TMPRSS6: variants seen among roughly 807,000 people sequenced by gnomAD.
TMPRSS6 encodes the protein transmembrane protease serine 6.
In TMPRSS6, 67 loss-of-function variants were observed where a neutral mutation model predicts 101.5. The observed-to-expected ratio is 0.66, with a 90% CI of 0.54 to 0.81. The LOEUF is 0.81. Among genes scored for constraint, TMPRSS6 ranks in the 30% least tolerant of loss-of-function variants. The pLI is 0.00. For missense variants in TMPRSS6, 1,034 were observed against 1,088.7 expected, an observed-to-expected ratio of 0.95 and a Z score of 0.71; for synonymous variants, 453 against 464.9, an observed-to-expected ratio of 0.97 and a Z score of 0.33.
intron 2 of TMPRSS6, among the ~76,000 whole-genome samples, chr22:37,099,250 T>C (rs997295634): frequency 6.6e-6 from 1 of 152,044 alleles, no homozygotes; most frequent in Non-Finnish European, 1.5e-5. Flanking sequence ...GGGAGCAGCA[T>C]GGGGCACGGG....
In TMPRSS6 at chr22:37,086,282, C is replaced by T. The variant is rs781648355; in HGVS notation, c.973+1G>A. The T allele has an allele frequency of 6.2e-7, 1 of 1,614,080 alleles. No homozygotes were observed. Among genetic ancestry groups the T allele is most frequent in the Non-Finnish European group, 8.5e-7 (1 of 1,179,992 alleles). ...TGCCCCAGGGACCCCTGACCTCTCA[C>T]CCTGGAAGACCACCGGCTGCACGGA... On this transcript the variant is annotated splice_donor_variant, in intron 8 of 17. Transcript: ENST00000676104. LOFTEE classifies it high-confidence loss of function.
chr22:37,089,550 C>CCAA, intron 7 of TMPRSS6, 28 bp downstream of exon 7: 2 of 1,383,822 alleles, frequency 1.4e-6, no homozygotes, highest in Non-Finnish European at 2.0e-6. Flanking sequence ...TCCAGCCCTC[C>CCAA]CTCCTGCCCT....
chr22:37,099,957 CTTTTTG>C (rs910925489), intron 2 of TMPRSS6, among the ~76,000 whole-genome samples: 31 of 149,888 alleles, frequency 2.1e-4, no homozygotes, highest in African/African-American at 7.5e-4. Context: ...TTTTTGTTTT[CTTTTTG>C]TTTTTGTTTT....
At position 37,069,115 on chromosome 22, in the gene TMPRSS6, G is replaced by A; in HGVS notation, c.2071C>T (p.Leu691=). The change falls in exon 16 of 18, where the codon CTG becomes TTG. Residue 691 remains leucine (L), a synonymous_variant. Coordinates refer to ENST00000676104, the MANE Select transcript of TMPRSS6 (RefSeq NM_001374504.1). This position sits in a 1 kb window ranked among gnomAD's most constrained non-coding sequence, Gnocchi z 4.8. ...CCCCAGCCCGTAATCCAGCAGTGCA[G>A]GCCGGGCTCGAAGAAGTGGGAGCGC... ...PARSHFFEPG[L]HCWITGWGAL... 6.4e-7 allele frequency: 1 copy of A among 1,560,326 alleles called. No individual in the cohort carries two copies. Among genetic ancestry groups the A allele is most frequent in the Non-Finnish European group, 8.7e-7 (1 of 1,155,766 alleles).
chr22:37,073,029 A>T (rs1927265998), intron 13 of TMPRSS6, among the ~76,000 whole-genome samples: 1 of 134,168 alleles, frequency 7.5e-6, no homozygotes, highest in Non-Finnish European at 1.6e-5. Flanking sequence ...TGGATGGATG[A>T]TGGACGGATG....
Position 37,103,450 on chromosome 22 carries a change from G to C in TMPRSS6, c.-1-32C>G. The C allele has an allele frequency of 6.2e-7, 1 of 1,614,238 alleles. No homozygotes were observed. ...GGGAAACAGACCAAAGTTGGAAACA[G>C]CCTCGCATTTGCAAGGGAGCCTCTG... On this transcript the variant is annotated intron_variant, in intron 1 of 17. Coordinates refer to ENST00000676104, the MANE Select transcript of TMPRSS6 (RefSeq NM_001374504.1). The surrounding 1 kb of genome is among the most constrained non-coding windows in gnomAD (Gnocchi z 4.4).
At chr22:37,098,617 C>T in intron 2 of TMPRSS6, 68 bp from the exon 3 acceptor site, 1 of 1,609,750 alleles carries the variant, frequency 6.2e-7, no homozygotes, top group Non-Finnish European at 8.5e-7. Flanking sequence ...CTCTTCCATG[C>T]CTTCTCCTGC....
chr22:37,099,405 T>C (rs1323326309), intron 2 of TMPRSS6, among the ~76,000 whole-genome samples: 1 of 152,154 alleles, frequency 6.6e-6, no homozygotes, highest in Non-Finnish European at 1.5e-5. Flanking sequence ...AGGGTAACCA[T>C]GAAAAGTTTA....
intron 12 of TMPRSS6, 114 bp downstream of exon 12, chr22:37,074,496 C>T (rs2076086): frequency 0.38 from 380,253 of 1,013,138 alleles, 74,361 homozygotes; most frequent in African/African-American, 0.58. Context: ...TTCCTGGGTG[C>T]TCATAATGGA....
intron 10 of TMPRSS6, among the ~76,000 whole-genome samples, chr22:37,078,707 AAG>A: frequency 1.1e-5 from 1 of 87,736 alleles, no homozygotes; most frequent in African/African-American, 5.6e-5. Context: ...GAGGAAGAGG[AAG>A]GAGGAGGCGG....
chr22:37,075,032 G>T, intron 11 of TMPRSS6, 103 bp downstream of exon 11: 1 of 1,572,152 alleles, frequency 6.4e-7, no homozygotes, highest in South Asian at 1.1e-5. Context: ...CTCTCCTTTT[G>T]TTCAGCCTCA....
rs755086229 is a variant in TMPRSS6, at chr22:37,066,229, C to T, written c.2260G>A (p.Gly754Ser). 1 of 1,611,054 alleles carries T rather than the reference C, an allele frequency of 6.2e-7. No individual in the cohort carries two copies. The highest frequency in any genetic ancestry group is 8.5e-7 in the Non-Finnish European group (1 of 1,178,752). ...AGTGCCTTGCACACCAGCGGACCAC[C>T]TGAGTCACCCTGAAAGGGGGAAAGG... ...GKKDACQGDS[G>S]GPLVCKALSG... The change falls in exon 18 of 18, where the codon GGT becomes AGT. Residue 754 changes from glycine (G) to serine (S), a missense_variant. Coordinates refer to ENST00000676104, the MANE Select transcript of TMPRSS6 (RefSeq NM_001374504.1).
intron 1 of TMPRSS6, among the ~76,000 whole-genome samples, chr22:37,107,607 G>A (rs1238915220): frequency 6.6e-6 from 1 of 151,742 alleles, no homozygotes; most frequent in Non-Finnish European, 1.5e-5. Flanking sequence ...ACTGCGTGTT[G>A]TCACCATGTG....
In TMPRSS6 at chr22:37,069,086, G is replaced by A. The variant is rs746948075; in HGVS notation, c.2100C>T (p.Ala700=). The change falls in exon 16 of 18, where the codon GCC becomes GCT. Residue 700 remains alanine (A), a synonymous_variant. Transcript: ENST00000676104. This position sits in a 1 kb window ranked among gnomAD's most constrained non-coding sequence, Gnocchi z 4.8. Reference sequence around the variant, plus strand: ...CCCGCTGCTCACCGCCCTCGCGCAAGGCGCCCCAGCCCGTAATCCAGCAGT... The same window carrying A: ...CCCGCTGCTCACCGCCCTCGCGCAAAGCGCCCCAGCCCGTAATCCAGCAGT... ...GLHCWITGWG[A]LREGGPISNA... 14 of 1,544,970 alleles carry A rather than the reference G, an allele frequency of 9.1e-6. No homozygotes were observed. In the East Asian group the frequency reaches 1.9e-4, roughly 21 times the overall value.
Position 37,069,417 on chromosome 22 carries a change from C to T in TMPRSS6, c.1842-73G>A, listed in dbSNP as rs534004041. 8.5e-6 allele frequency: 12 copies of T among 1,416,596 alleles called. No homozygotes were observed. The highest frequency in any genetic ancestry group is 1.1e-5 in the Non-Finnish European group (12 of 1,050,184). The allele number at this position is 1,416,596 out of a possible 1,614,324, so 87.8% of individuals were successfully genotyped here. A position where few individuals can be genotyped will look rare whatever the true frequency, so the allele number is the denominator to read the frequency against. On this transcript the variant is annotated intron_variant, in intron 15 of 17. Coordinates refer to ENST00000676104, the MANE Select transcript of TMPRSS6 (RefSeq NM_001374504.1). The surrounding 1 kb of genome is among the most constrained non-coding windows in gnomAD (Gnocchi z 4.8). ...GAAGCTGCCTCTCCCCATCCAGGGACCCTCAAGATAGCCAGATCCCCGCCC... is the reference window on the plus strand; with the variant it reads ...GAAGCTGCCTCTCCCCATCCAGGGATCCTCAAGATAGCCAGATCCCCGCCC...
chr22:37,089,898 G>T (rs548738290), intron 6 of TMPRSS6, 116 bp from the exon 7 acceptor site: 1 of 992,104 alleles, frequency 1.0e-6, no homozygotes, highest in Non-Finnish European at 1.5e-6. Context: ...CAGGGGAGCC[G>T]GGTGGGGATA....
At position 37,084,414 on chromosome 22, in the gene TMPRSS6, A is replaced by T. The variant is rs1569010702; in HGVS notation, c.1087-10T>A. ...AGTCCAGAGAGGGCACCTGGGAGGG[A>T]GGAGCGGGCCATCAGGTGGCCCATG... is the stretch of plus-strand genomic sequence containing the variant. On this transcript the variant is annotated splice_polypyrimidine_tract_variant and intron_variant, in intron 9 of 17. Transcript: ENST00000676104. 6.2e-7 allele frequency: 1 copy of T among 1,605,288 alleles called. No individual in the cohort carries two copies. Among genetic ancestry groups the T allele is most frequent in the South Asian group, 1.1e-5 (1 of 89,842 alleles).
chr22:37,089,543 A>G, intron 7 of TMPRSS6, 35 bp downstream of exon 7: 27 of 1,328,922 alleles, frequency 2.0e-5, no homozygotes, highest in East Asian at 4.9e-5. Context: ...TCCCTTTTCC[A>G]GCCCTCCCTC....
intron 15 of TMPRSS6, among the ~76,000 whole-genome samples, 159 bp downstream of exon 15, chr22:37,070,325 C>T (rs943645822): frequency 6.6e-6 from 1 of 152,174 alleles, no homozygotes; most frequent in African/African-American, 2.4e-5. Flanking sequence ...CCCAGAAGGT[C>T]CTGGTGGAGC....
Sources: allele counts gnomAD v4.1 joint callset (sites outside exome capture counted in the v4.1 genomes callset), GRCh38; gene constraint gnomAD v4.1.1; non-coding constraint Gnocchi (gnomAD v3.1); transcripts MANE v1.5; gene names NCBI Gene and HGNC (gene_info 2026-07-23, HGNC 2026-07-21).